The following MRPS31 variants were observed in gnomAD, a reference collection of about 807,000 sequenced individuals.
MRPS31 encodes the protein small ribosomal subunit protein mS31.
Under a neutral mutation model 43.1 loss-of-function variants are expected in MRPS31, and 32 were observed. That is an observed-to-expected ratio of 0.74 (90% CI 0.56 to 1.00). The LOEUF is 1.00. Ranked by LOEUF, MRPS31 falls within the 50% of genes least tolerant of loss-of-function variation. The pLI, the probability that MRPS31 is intolerant of heterozygous loss-of-function variation, is 0.00. For synonymous variants in MRPS31, 165 were observed against 161.6 expected (o/e 1.02, Z -0.16); for missense variants, 437 against 466.7 (o/e 0.94, Z 0.59).
At position 40,735,342 on chromosome 13, in the gene MRPS31, T is replaced by C. The variant is rs1033594276; in HGVS notation, c.959-5741A>G. On this transcript the variant is annotated intron_variant, in intron 6 of 6. Transcript: ENST00000323563. ...CTGAGATCAAACTGCAAGGCGGCAG[T>C]GAGGCTGCGGGAGGGGCGCCCACCA... 8.3e-3 allele frequency among the ~76,000 whole-genome samples: 1,256 copies of C among 152,216 alleles called. 24 individuals are homozygous for C. Among genetic ancestry groups the C allele is most frequent in the African/African-American group, 0.028 (1,177 of 41,518 alleles).
At chr13:40,761,562 T>C (rs1270486786) in intron 2 of MRPS31, among the ~76,000 whole-genome samples, 1 of 152,242 alleles carries the variant, frequency 6.6e-6, no homozygotes, top group Non-Finnish European at 1.5e-5. Flanking sequence ...GGGGAGCCTC[T>C]GTCATTGAAT....
intron 6 of MRPS31, among the ~76,000 whole-genome samples, chr13:40,737,601 T>A (rs1416125056): frequency 6.6e-6 from 1 of 152,134 alleles, no homozygotes; most frequent in Non-Finnish European, 1.5e-5. Context: ...CAGACCACAG[T>A]GCAATCAAAC....
intron 2 of MRPS31, among the ~76,000 whole-genome samples, chr13:40,760,072 G>C (rs1446885619): frequency 6.6e-6 from 1 of 150,460 alleles, no homozygotes. Context: ...GGGAGGTGGA[G>C]GTTGCAGTGA....
chr13:40,764,698 T>G (rs1426434914), intron 2 of MRPS31, among the ~76,000 whole-genome samples: 1 of 152,186 alleles, frequency 6.6e-6, no homozygotes, highest in Non-Finnish European at 1.5e-5. Context: ...ATGTAGGTGT[T>G]TCTGCTAATA....
At chr13:40,740,738 A>C (rs1301977507) in intron 6 of MRPS31, among the ~76,000 whole-genome samples, 1 of 140,648 alleles carries the variant, frequency 7.1e-6, no homozygotes, top group African/African-American at 2.6e-5. Context: ...TTGAACAGTG[A>C]GATCACATGG....
intron 6 of MRPS31, among the ~76,000 whole-genome samples, chr13:40,732,005 A>G (rs565389734): frequency 1.1e-3 from 162 of 152,370 alleles, no homozygotes; most frequent in African/African-American, 3.8e-3. Flanking sequence ...AAGAGGGTAT[A>G]CTATATACAA....
At chr13:40,738,916 T>C (rs1370911912) in intron 6 of MRPS31, among the ~76,000 whole-genome samples, 10 of 152,180 alleles carry the variant, frequency 6.6e-5, no homozygotes, top group Admixed American at 2.0e-4. Flanking sequence ...CTATTCAACA[T>C]AGTGTTGCAA....
At chr13:40,768,219 C>A (rs1181748781) in intron 1 of MRPS31, among the ~76,000 whole-genome samples, 1 of 152,100 alleles carries the variant, frequency 6.6e-6, no homozygotes, top group Non-Finnish European at 1.5e-5. Flanking sequence ...AAATTATTTG[C>A]TAAATATAGT....
intron 2 of MRPS31, among the ~76,000 whole-genome samples, chr13:40,764,413 C>G (rs1038910988): frequency 6.6e-6 from 1 of 151,902 alleles, no homozygotes; most frequent in African/African-American, 2.4e-5. Flanking sequence ...GATACAGAAC[C>G]TGCACATACA....
rs770323321 is a variant in MRPS31 at position 40,759,053 on chromosome 13, G to C, written c.494C>G (p.Ser165Cys). 6 of 1,607,720 alleles carry C rather than the reference G, an allele frequency of 3.7e-6. No homozygotes were observed. The South Asian group carries it at 6.7e-5, about 18-fold the overall frequency. ...GGTTGTTTGCTTATCAAAAGGGAGAGAATCTGCCACAGCAGATGCAGCTGC... is the reference window on the plus strand; with the variant it reads ...GGTTGTTTGCTTATCAAAAGGGAGACAATCTGCCACAGCAGATGCAGCTGC... ...LVAAASAVAD[S>C]LPFDKQTTKS... Residue 165 changes from serine to cysteine, a missense_variant, in exon 3 of 7, where the codon TCT becomes TGT. By Grantham distance (112) the Ser-to-Cys change is moderately radical. Coordinates refer to ENST00000323563, the MANE Select transcript of MRPS31 (RefSeq NM_005830.4).
intron 2 of MRPS31, among the ~76,000 whole-genome samples, chr13:40,761,818 C>T (rs1339493374): frequency 6.6e-6 from 1 of 151,222 alleles, no homozygotes; most frequent in Admixed American, 6.6e-5. Context: ...CCGCTTTTGG[C>T]AGGCAACTTG....
At chr13:40,740,636 G>A in intron 6 of MRPS31, among the ~76,000 whole-genome samples, 5 of 136,844 alleles carry the variant, frequency 3.7e-5, no homozygotes, top group East Asian at 2.3e-4. Flanking sequence ...GTCCTTTGTA[G>A]GGACATGGAT....
intron 2 of MRPS31, among the ~76,000 whole-genome samples, chr13:40,762,782 TTGTGTG>T (rs60906711): frequency 0.075 from 9,757 of 129,610 alleles, 477 homozygotes; most frequent in Admixed American, 0.11. Flanking sequence ...AGTATAGACA[TTGTGTG>T]TGTGTGTGTG....
At chr13:40,751,631 T>TA (rs1490673614) in intron 5 of MRPS31, among the ~76,000 whole-genome samples, 3 of 152,116 alleles carry the variant, frequency 2.0e-5, no homozygotes, top group Non-Finnish European at 4.4e-5. Context: ...AATCAGTCAA[T>TA]AAAAAAATTA....
At chr13:40,746,351 C>G (rs1209713095) in intron 6 of MRPS31, among the ~76,000 whole-genome samples, 1 of 151,956 alleles carries the variant, frequency 6.6e-6, no homozygotes, top group African/African-American at 2.4e-5. Flanking sequence ...AAATGTGTAC[C>G]CAGGGCAGCG....
intron 6 of MRPS31, among the ~76,000 whole-genome samples, chr13:40,734,730 G>A (rs190797731): frequency 7.0e-4 from 106 of 151,932 alleles, no homozygotes; most frequent in Non-Finnish European, 1.3e-3. Flanking sequence ...GTGAGACCTC[G>A]TCTTTAGAAA....
At chr13:40,742,331 A>G (rs2138000168) in intron 6 of MRPS31, among the ~76,000 whole-genome samples, 1 of 152,282 alleles carries the variant, frequency 6.6e-6, no homozygotes, top group East Asian at 1.9e-4. Context: ...ACAACAAATA[A>G]AGGGTGAAAT....
chr13:40,738,906 C>G (rs1326905456), intron 6 of MRPS31, among the ~76,000 whole-genome samples: 1 of 152,196 alleles, frequency 6.6e-6, no homozygotes, highest in Non-Finnish European at 1.5e-5. Flanking sequence ...CTCACCACTC[C>G]TATTCAACAT....
At chr13:40,762,663 T>C (rs1015396685) in intron 2 of MRPS31, among the ~76,000 whole-genome samples, 1 of 152,040 alleles carries the variant, frequency 6.6e-6, no homozygotes, top group Non-Finnish European at 1.5e-5. Context: ...CTTAAACTCC[T>C]AGACTCAAGC....
Sources: allele counts gnomAD v4.1 joint callset (sites outside exome capture counted in the v4.1 genomes callset), GRCh38; gene constraint gnomAD v4.1.1; transcripts MANE v1.5; gene names NCBI Gene and HGNC (gene_info 2026-07-23, HGNC 2026-07-21).